The following CFAP263 variants were observed in gnomAD, a reference collection of about 807,000 sequenced individuals.
The protein encoded by CFAP263 is cilia and flagella associated protein 263, also known as cilia- and flagella-associated protein 263.
the CFAP263 span, among the ~76,000 whole-genome samples, chr16:58,255,883 C>T: frequency 7.9e-5 from 12 of 152,270 alleles, no homozygotes; most frequent in Admixed American, 3.9e-4. Flanking sequence ...CATTTCTATA[C>T]GGCACACGTG....
At chr16:58,269,149 A>G in the CFAP263 span, among the ~76,000 whole-genome samples, 2 of 152,078 alleles carry the variant, frequency 1.3e-5, no homozygotes, top group Admixed American at 1.3e-4. Flanking sequence ...CCTGGCCAAC[A>G]TGGTGAAACC....
At chr16:58,261,039 C>T in the CFAP263 span, among the ~76,000 whole-genome samples, 5 of 152,120 alleles carry the variant, frequency 3.3e-5, no homozygotes, top group African/African-American at 7.2e-5. Flanking sequence ...TCTGTCTGAG[C>T]GGCCCCTACC....
the CFAP263 span, chr16:58,283,710 C>T: frequency 6.6e-6 from 1 of 152,186 alleles, no homozygotes; most frequent in South Asian, 2.1e-4. Flanking sequence ...TAAGATCCCC[C>T]ACCTGGCAGA....
the CFAP263 span, among the ~76,000 whole-genome samples, chr16:58,259,022 TA>T: frequency 6.6e-6 from 1 of 151,586 alleles, no homozygotes; most frequent in African/African-American, 2.4e-5. Context: ...AATAAATAAA[TA>T]AATAAATGCG....
At chr16:58,283,050 G>T in the CFAP263 span, 1 of 152,238 alleles carries the variant, frequency 6.6e-6, no homozygotes. Flanking sequence ...ATCTCCCAAG[G>T]GAGCGGCCAC....
At chr16:58,253,878 T>C in the CFAP263 span, 17 of 1,003,678 alleles carry the variant, frequency 1.7e-5, no homozygotes, top group East Asian at 3.1e-4. Flanking sequence ...ATGAATTTGT[T>C]CTCCCTGGCT....
chr16:58,254,201 C>T, the CFAP263 span: 1 of 1,601,684 alleles, frequency 6.2e-7, no homozygotes, highest in Non-Finnish European at 8.6e-7. Flanking sequence ...CCCAGGCTCC[C>T]CACCTCTACC....
chr16:58,250,185 T>C, the CFAP263 span: 1 of 896,326 alleles, frequency 1.1e-6, no homozygotes, highest in South Asian at 1.6e-5. Flanking sequence ...GCCTCGGACT[T>C]GGGGACCAGC....
the CFAP263 span, chr16:58,250,054 C>T: frequency 1.2e-6 from 2 of 1,600,416 alleles, no homozygotes; most frequent in Non-Finnish European, 8.5e-7. Context: ...CTCCGACTCC[C>T]ATGAAGGGTC....
the CFAP263 span, among the ~76,000 whole-genome samples, chr16:58,274,698 C>T: frequency 6.6e-6 from 1 of 152,200 alleles, no homozygotes; most frequent in African/African-American, 2.4e-5. Flanking sequence ...CCTCCCTAGC[C>T]ATGCAGAACT....
the CFAP263 span, among the ~76,000 whole-genome samples, chr16:58,255,448 G>C: frequency 6.6e-6 from 1 of 152,062 alleles, no homozygotes; most frequent in Non-Finnish European, 1.5e-5. Flanking sequence ...CACCCTCACA[G>C]TCACACCCAG....
chr16:58,272,192 AT>A, the CFAP263 span, among the ~76,000 whole-genome samples: 1 of 151,546 alleles, frequency 6.6e-6, no homozygotes, highest in African/African-American at 2.4e-5. Context: ...ATTTTTTTGT[AT>A]TTTTAGTAGA....
the CFAP263 span, among the ~76,000 whole-genome samples, chr16:58,266,395 ATATATATATATTTTTTTTTT>A: frequency 1.1e-4 from 4 of 36,484 alleles, no homozygotes; most frequent in Non-Finnish European, 2.1e-4. Flanking sequence ...ATATATATAT[ATATATATATATTTTTTTTTT>A]TTTTTTTTTT....
At chr16:58,263,166 C>T in the CFAP263 span, among the ~76,000 whole-genome samples, 1 of 152,212 alleles carries the variant, frequency 6.6e-6, no homozygotes, top group Admixed American at 6.5e-5. Flanking sequence ...CTGCTAGAGA[C>T]CATCTAATGC....
chr16:58,273,511 T>C, the CFAP263 span, among the ~76,000 whole-genome samples: 1 of 152,208 alleles, frequency 6.6e-6, no homozygotes, highest in Non-Finnish European at 1.5e-5. Flanking sequence ...TTGAAAAGAT[T>C]CCAGATTTTC....
At chr16:58,276,373 A>G in the CFAP263 span, among the ~76,000 whole-genome samples, 10 of 152,238 alleles carry the variant, frequency 6.6e-5, no homozygotes, top group African/African-American at 1.7e-4. Context: ...AGGGAAATTT[A>G]GCACTGTTTA....
the CFAP263 span, chr16:58,252,852 A>G: frequency 1.2e-6 from 2 of 1,613,736 alleles, no homozygotes; most frequent in African/African-American, 2.7e-5. Context: ...GATTATGCAC[A>G]GGTACACAAT....
chr16:58,273,702 C>T, the CFAP263 span, among the ~76,000 whole-genome samples: 1 of 152,136 alleles, frequency 6.6e-6, no homozygotes, highest in East Asian at 1.9e-4. Flanking sequence ...TTTGCCTTCC[C>T]TGGGTGGATC....
chr16:58,261,887 T>C, the CFAP263 span, among the ~76,000 whole-genome samples: 1 of 152,088 alleles, frequency 6.6e-6, no homozygotes, highest in East Asian at 1.9e-4. Context: ...TGCAGAAATA[T>C]CAGATGATCA....
Sources: allele counts gnomAD v4.1 joint callset (sites outside exome capture counted in the v4.1 genomes callset), GRCh38; gene constraint gnomAD v4.1.1; transcripts MANE v1.5; gene names NCBI Gene and HGNC (gene_info 2026-07-23, HGNC 2026-07-21).